Variants in KHDRBS2 observed in about 807,000 individuals in gnomAD.
KHDRBS2 encodes KH domain-containing, RNA-binding, signal transduction-associated protein 2.
Under a neutral mutation model 44.3 loss-of-function variants are expected in KHDRBS2, and 26 were observed. The ratio of observed to expected loss-of-function variants is 0.59; its 90% CI spans 0.43 to 0.81. The LOEUF (loss-of-function observed/expected upper bound fraction) is 0.81. Among genes scored for constraint, KHDRBS2 ranks in the 40% least tolerant of loss-of-function variants. The pLI, the probability that KHDRBS2 is intolerant of heterozygous loss-of-function variation, is 0.00. For missense variants in KHDRBS2, 476 were observed against 433.1 expected, an observed-to-expected ratio of 1.10 and a Z score of -0.88; for synonymous variants, 194 against 151.1, an observed-to-expected ratio of 1.28 and a Z score of -2.08.
chr6:61,618,404 T>G, the KHDRBS2 span, among the ~76,000 whole-genome samples: 1 of 152,350 alleles, frequency 6.6e-6, no homozygotes, highest in South Asian at 2.1e-4. Context: ...TATTTTAACT[T>G]TCACATTACA....
At chr6:61,766,748 T>G (rs1295534981) in intron 6 of KHDRBS2, among the ~76,000 whole-genome samples, 1 of 152,166 alleles carries the variant, frequency 6.6e-6, no homozygotes, top group Non-Finnish European at 1.5e-5. Flanking sequence ...TATTGTTTAA[T>G]TTCCATGTGG....
At chr6:62,074,823 AT>A (rs1390178721) in intron 2 of KHDRBS2, among the ~76,000 whole-genome samples, 1 of 151,760 alleles carries the variant, frequency 6.6e-6, no homozygotes, top group African/African-American at 2.4e-5. Context: ...TAGTTTCAAC[AT>A]TTTTACTTCT....
chr6:62,133,856 T>G lies in KHDRBS2; in HGVS notation c.219+43329A>C, dbSNP rs551715638. On this transcript the variant is annotated intron_variant, in intron 2 of 8. Coordinates refer to ENST00000281156, the MANE Select transcript of KHDRBS2 (RefSeq NM_152688.4). ...GCATTTTGCCTCTGGCCTAGAGATC[T>G]GAACTTGAGGGAGATGATTTAGGGT... Among the ~76,000 whole-genome samples the G allele has an allele frequency of 4.6e-5, 7 of 152,294 alleles. No homozygotes were observed. The South Asian group carries it at 1.5e-3, about 32-fold the overall frequency.
At chr6:61,813,202 AG>A (rs976358261) in intron 6 of KHDRBS2, among the ~76,000 whole-genome samples, 1 of 152,116 alleles carries the variant, frequency 6.6e-6, no homozygotes, top group Admixed American at 6.6e-5. Context: ...GACATACAGG[AG>A]GAAAAGAAAG....
chr6:61,893,085 A>G (rs1363406021), intron 6 of KHDRBS2, among the ~76,000 whole-genome samples: 1 of 152,312 alleles, frequency 6.6e-6, no homozygotes, highest in Admixed American at 6.5e-5. Context: ...ACAAGTGGGC[A>G]AAGGATATGA....
intron 2 of KHDRBS2, among the ~76,000 whole-genome samples, chr6:62,109,419 G>A (rs1025062942): frequency 6.6e-6 from 1 of 151,758 alleles, no homozygotes; most frequent in Admixed American, 6.6e-5. Flanking sequence ...ATTATATAAA[G>A]ATTTTTGGTT....
At chr6:62,240,472 G>T (rs1563118655) in intron 1 of KHDRBS2, among the ~76,000 whole-genome samples, 2 of 151,548 alleles carry the variant, frequency 1.3e-5, no homozygotes, top group Middle Eastern at 3.4e-3. Flanking sequence ...ATTGCTTGCA[G>T]GCTAGTTGAG....
chr6:62,275,040 CACAT>C (rs1160857990), intron 1 of KHDRBS2, among the ~76,000 whole-genome samples: 2 of 150,312 alleles, frequency 1.3e-5, no homozygotes, highest in African/African-American at 2.5e-5. Context: ...CACACACACA[CACAT>C]ATATATTCCA....
chr6:61,722,226 T>C (rs911030615), intron 7 of KHDRBS2, among the ~76,000 whole-genome samples: 1 of 152,146 alleles, frequency 6.6e-6, no homozygotes, highest in African/African-American at 2.4e-5. Flanking sequence ...TCAAGGATAT[T>C]GGTCTAAAAT....
At chr6:62,020,785 T>G (rs906901772) in intron 3 of KHDRBS2, among the ~76,000 whole-genome samples, 3 of 152,036 alleles carry the variant, frequency 2.0e-5, no homozygotes, top group Admixed American at 6.6e-5. Context: ...TTATCAAATC[T>G]TTTCCCATGT....
At chr6:62,123,681 C>A (rs937798050) in intron 2 of KHDRBS2, among the ~76,000 whole-genome samples, 2 of 152,138 alleles carry the variant, frequency 1.3e-5, no homozygotes, top group African/African-American at 4.8e-5. Context: ...TTTCAGAGAG[C>A]ATTAGGCCAT....
At chr6:61,544,260 TAA>T in the KHDRBS2 span, among the ~76,000 whole-genome samples, 1 of 152,034 alleles carries the variant, frequency 6.6e-6, no homozygotes, top group Non-Finnish European at 1.5e-5. Flanking sequence ...ATAAAAAGTA[TAA>T]GTTTTAAAAA....
At chr6:62,225,259 A>C (rs1250904089) in intron 1 of KHDRBS2, among the ~76,000 whole-genome samples, 2 of 152,346 alleles carry the variant, frequency 1.3e-5, no homozygotes, top group East Asian at 3.9e-4. Context: ...TTTGTGTGAC[A>C]GTAATGTTGC....
intron 6 of KHDRBS2, among the ~76,000 whole-genome samples, chr6:61,769,938 G>C (rs189934407): frequency 6.6e-6 from 1 of 152,328 alleles, no homozygotes; most frequent in African/African-American, 2.4e-5. Flanking sequence ...GCACCCCCCA[G>C]TAGGGGTGGA....
chr6:62,240,436 G>C (rs992634661), intron 1 of KHDRBS2, among the ~76,000 whole-genome samples: 3 of 151,590 alleles, frequency 2.0e-5, no homozygotes, highest in Non-Finnish European at 2.9e-5. Flanking sequence ...GTGGGTACTG[G>C]GTATGTTTGT....
At chr6:61,599,696 C>A in the KHDRBS2 span, among the ~76,000 whole-genome samples, 1 of 152,180 alleles carries the variant, frequency 6.6e-6, no homozygotes, top group African/African-American at 2.4e-5. Context: ...CAACAGAAAC[C>A]TTTCATGGAT....
intron 6 of KHDRBS2, among the ~76,000 whole-genome samples, chr6:61,872,864 T>C (rs1052356692): frequency 3.9e-5 from 6 of 152,092 alleles, no homozygotes; most frequent in Non-Finnish European, 7.4e-5. Flanking sequence ...ACCAGAAAAC[T>C]TGGAATCTGA....
intron 1 of KHDRBS2, among the ~76,000 whole-genome samples, chr6:62,221,697 C>T (rs1162069811): frequency 1.3e-5 from 2 of 152,110 alleles, no homozygotes; most frequent in African/African-American, 4.8e-5. Flanking sequence ...TCCACCATCA[C>T]TGTTGTAGTC....
intron 1 of KHDRBS2, among the ~76,000 whole-genome samples, chr6:62,178,362 A>G (rs1221926558): frequency 1.3e-5 from 2 of 151,616 alleles, no homozygotes; most frequent in Non-Finnish European, 3.0e-5. Context: ...AAGGCTTGGT[A>G]AGTGATTATA....
Sources: allele counts gnomAD v4.1 joint callset (sites outside exome capture counted in the v4.1 genomes callset), GRCh38; gene constraint gnomAD v4.1.1; transcripts MANE v1.5; gene names NCBI Gene and HGNC (gene_info 2026-07-23, HGNC 2026-07-21).